CPNE4: variants seen among roughly 807,000 people sequenced by gnomAD.
CPNE4 encodes the protein copine-4.
Under a neutral mutation model 67.9 loss-of-function variants are expected in CPNE4, and 25 were observed. The ratio of observed to expected loss-of-function variants is 0.37; its 90% CI spans 0.27 to 0.51. The LOEUF (loss-of-function observed/expected upper bound fraction) is 0.51. CPNE4 is among the 20% of genes least tolerant of loss of function. CPNE4 has a pLI of 0.93. For missense variants in CPNE4, 464 were observed against 690.8 expected (o/e 0.67, Z 3.68); for synonymous variants, 242 against 244.9 (o/e 0.99, Z 0.11).
intron 2 of CPNE4, among the ~76,000 whole-genome samples, chr3:131,874,158 G>C (rs188442847): frequency 6.6e-6 from 1 of 150,562 alleles, no homozygotes; most frequent in African/African-American, 2.4e-5. Flanking sequence ...GCGCAATCTC[G>C]GCTCACTGCA....
intron 1 of CPNE4, among the ~76,000 whole-genome samples, chr3:131,999,491 A>G (rs1017511998): frequency 2.0e-5 from 3 of 152,192 alleles, no homozygotes; most frequent in Admixed American, 2.0e-4. Flanking sequence ...ATGAAGTTCT[A>G]AAACAGGCAA....
chr3:131,905,524 C>A (rs2088713651), intron 1 of CPNE4, 80 bp from the exon 2 acceptor site: 2 of 1,306,108 alleles, frequency 1.5e-6, no homozygotes, highest in East Asian at 5.1e-5. Flanking sequence ...TCCCAATCAC[C>A]CTTCAGAAAA....
At chr3:132,020,779 G>A (rs922767218) in intron 1 of CPNE4, among the ~76,000 whole-genome samples, 2 of 152,154 alleles carry the variant, frequency 1.3e-5, no homozygotes, top group African/African-American at 2.4e-5. Context: ...CTCACAGCAG[G>A]TCATCACAGG....
intron 7 of CPNE4, among the ~76,000 whole-genome samples, chr3:131,611,620 T>C (rs1254871825): frequency 6.6e-6 from 1 of 152,052 alleles, no homozygotes; most frequent in East Asian, 1.9e-4. Context: ...TGTGTGGGCA[T>C]ATGGAGGACC....
intron 1 of CPNE4, among the ~76,000 whole-genome samples, chr3:131,989,063 G>T (rs75358692): frequency 6.6e-6 from 1 of 152,194 alleles, no homozygotes; most frequent in African/African-American, 2.4e-5. Context: ...CTGCTGTTTT[G>T]CCATTGCTGA....
chr3:132,019,257 A>G, intron 1 of CPNE4, among the ~76,000 whole-genome samples: 1 of 152,322 alleles, frequency 6.6e-6, no homozygotes, highest in Non-Finnish European at 1.5e-5. Context: ...CAATTTTGTG[A>G]GACCAAATAT....
chr3:131,676,368 A>G (rs1477105754), intron 6 of CPNE4, among the ~76,000 whole-genome samples: 1 of 151,424 alleles, frequency 6.6e-6, no homozygotes, highest in Admixed American at 6.6e-5. Flanking sequence ...CCATTATTTT[A>G]TTTATTTATT....
At chr3:131,626,246 TA>T (rs1321003081) in intron 7 of CPNE4, among the ~76,000 whole-genome samples, 1 of 152,156 alleles carries the variant, frequency 6.6e-6, no homozygotes, top group Admixed American at 6.5e-5. Context: ...CAAAAGCTAT[TA>T]AGCTTGGTGG....
At chr3:131,942,481 A>T (rs879752809) in intron 1 of CPNE4, among the ~76,000 whole-genome samples, 10,240 of 117,442 alleles carry the variant, frequency 0.087, 341 homozygotes, top group African/African-American at 0.13. Flanking sequence ...AGAGAGAGAG[A>T]GAGAGAGAGA....
At chr3:132,039,517 A>G (rs1440810154), upstream of CPNE4, 1 of 152,250 alleles carries the variant, frequency 6.6e-6, no homozygotes, top group African/African-American at 2.4e-5. Context: ...ATACCATCAG[A>G]AACTTACCTG....
chr3:131,560,339 GCTCT>G (rs1936695262), intron 11 of CPNE4, among the ~76,000 whole-genome samples: 1 of 151,986 alleles, frequency 6.6e-6, no homozygotes, highest in Non-Finnish European at 1.5e-5. Flanking sequence ...AGTTCCCCAT[GCTCT>G]CTCTATCATC....
chr3:132,007,198 T>C (rs2035308811), intron 1 of CPNE4, among the ~76,000 whole-genome samples: 1 of 152,120 alleles, frequency 6.6e-6, no homozygotes, highest in Non-Finnish European at 1.5e-5. Flanking sequence ...TCTTACAGAG[T>C]TCATGACTTG....
intron 1 of CPNE4, among the ~76,000 whole-genome samples, chr3:131,952,538 G>A (rs1351860224): frequency 1.1e-5 from 1 of 93,660 alleles, no homozygotes; most frequent in Non-Finnish European, 2.9e-5. Context: ...TCAGCCTCCC[G>A]CCCGGCCAGC....
chr3:131,628,073 G>C (rs2079122344), intron 7 of CPNE4, among the ~76,000 whole-genome samples: 1 of 152,158 alleles, frequency 6.6e-6, no homozygotes, highest in Non-Finnish European at 1.5e-5. Flanking sequence ...TGGTACAAAT[G>C]AATCTTTCAT....
At chr3:131,879,013 T>G (rs2087563084) in intron 2 of CPNE4, among the ~76,000 whole-genome samples, 1 of 152,362 alleles carries the variant, frequency 6.6e-6, no homozygotes, top group Non-Finnish European at 1.5e-5. Flanking sequence ...CCATTGAAAG[T>G]ACAACTGACG....
At chr3:131,569,688 AAGAAAGAAAGAG>A (rs1937236797) in intron 10 of CPNE4, among the ~76,000 whole-genome samples, 1 of 151,590 alleles carries the variant, frequency 6.6e-6, no homozygotes, top group Non-Finnish European at 1.5e-5. Flanking sequence ...GAAAGGAAGA[AAGAAAGAAAGAG>A]AGAAAGAAAG....
intron 1 of CPNE4, among the ~76,000 whole-genome samples, chr3:131,919,539 T>C (rs1222798404): frequency 6.6e-6 from 1 of 152,204 alleles, no homozygotes; most frequent in Non-Finnish European, 1.5e-5. Context: ...CTTTTGTGAA[T>C]GCAATGATGG....
At chr3:131,762,363 C>A (rs561393227) in intron 2 of CPNE4, among the ~76,000 whole-genome samples, 12 of 152,136 alleles carry the variant, frequency 7.9e-5, no homozygotes, top group African/African-American at 2.6e-4. Flanking sequence ...TTTGATATAC[C>A]AGACTTCATC....
At chr3:131,766,589 C>G (rs191551985) in intron 2 of CPNE4, among the ~76,000 whole-genome samples, 90 of 152,182 alleles carry the variant, frequency 5.9e-4, no homozygotes, top group African/African-American at 2.1e-3. Flanking sequence ...TGGTACCAGC[C>G]AGCTCAAGCA....
Sources: gnomAD v4.1 joint callset for allele counts (sites outside exome capture counted in the v4.1 genomes callset) on GRCh38, gnomAD v4.1.1 for gene constraint, MANE v1.5 for transcripts, NCBI Gene and HGNC (gene_info 2026-07-23, HGNC 2026-07-21) for gene names.